The following WASF3 variants were observed in gnomAD, a reference collection of about 807,000 sequenced individuals.
The protein encoded by WASF3 is WASP family member 3.
WASF3 carries 11 observed loss-of-function variants against 46.6 expected under a neutral mutation model. The ratio of observed to expected loss-of-function variants is 0.24; its 90% CI spans 0.15 to 0.39. The LOEUF (loss-of-function observed/expected upper bound fraction) is 0.39. Ranked by LOEUF, WASF3 falls within the 10% of genes least tolerant of loss-of-function variation. The pLI is 1.00. For synonymous variants in WASF3, 242 were observed against 259.7 expected (o/e 0.93, Z 0.65); for missense variants, 576 against 669.8 (o/e 0.86, Z 1.55).
At chr13:26,555,695 C>T (rs2137128262), upstream of WASF3, among the ~76,000 whole-genome samples, 1 of 152,324 alleles carries the variant, frequency 6.6e-6, no homozygotes, top group East Asian at 1.9e-4. Flanking sequence ...ATAGCAGAGA[C>T]AATGGCTAGA....
chr13:26,606,217 G>A (rs1880791113), intron 1 of WASF3, among the ~76,000 whole-genome samples: 1 of 152,164 alleles, frequency 6.6e-6, no homozygotes, highest in African/African-American at 2.4e-5. Flanking sequence ...GTTTTCTGTA[G>A]CCTCACAGGA....
chr13:26,633,452 C>G (rs1318507872), intron 2 of WASF3, among the ~76,000 whole-genome samples: 1 of 152,078 alleles, frequency 6.6e-6, no homozygotes, highest in Non-Finnish European at 1.5e-5. Context: ...GATCTGCCCA[C>G]CTCGGCCTCC....
At chr13:26,577,585 AG>A in intron 1 of WASF3, 4 of 1,126,824 alleles carry the variant, frequency 3.5e-6, no homozygotes, top group Non-Finnish European at 5.3e-6. Flanking sequence ...TTCATGGTGA[AG>A]GCAGTAGTTC....
chr13:26,542,932 A>T, the WASF3 span, among the ~76,000 whole-genome samples: 1 of 152,230 alleles, frequency 6.6e-6, no homozygotes, highest in Admixed American at 6.5e-5. Flanking sequence ...TAGTATCTGC[A>T]CATAAGGAGC....
intron 3 of WASF3, among the ~76,000 whole-genome samples, chr13:26,642,987 G>T (rs1882045001): frequency 6.6e-6 from 1 of 152,124 alleles, no homozygotes; most frequent in Admixed American, 6.5e-5. Context: ...ATGGTACCAC[G>T]TATATATTGG....
chr13:26,601,973 G>A (rs1205164449), intron 1 of WASF3, among the ~76,000 whole-genome samples: 4 of 152,208 alleles, frequency 2.6e-5, no homozygotes, highest in Admixed American at 1.3e-4. Flanking sequence ...TTTGCTTTTA[G>A]TTGTCCAGGG....
the WASF3 span, among the ~76,000 whole-genome samples, chr13:26,546,913 C>T: frequency 6.6e-6 from 1 of 152,136 alleles, no homozygotes; most frequent in East Asian, 1.9e-4. Context: ...GCCACCCTTA[C>T]CCTCTTCATC....
At chr13:26,591,392 G>A (rs1213140370) in intron 1 of WASF3, among the ~76,000 whole-genome samples, 1 of 152,056 alleles carries the variant, frequency 6.6e-6, no homozygotes, top group African/African-American at 2.4e-5. Context: ...GGGAGGCTTG[G>A]GTGAGGATGC....
intron 2 of WASF3, among the ~76,000 whole-genome samples, chr13:26,620,856 A>G (rs1864239042): frequency 6.6e-6 from 1 of 152,220 alleles, no homozygotes; most frequent in South Asian, 2.1e-4. Context: ...TGTGTCCCAG[A>G]ATGTCCTCTA....
intron 1 of WASF3, among the ~76,000 whole-genome samples, chr13:26,582,397 C>T (rs555898023): frequency 1.2e-4 from 19 of 152,066 alleles, no homozygotes; most frequent in Admixed American, 4.6e-4. Context: ...AAAGCCGGGC[C>T]GGGCACGGTG....
chr13:26,607,635 TTTTG>T (rs1880838614), intron 1 of WASF3, among the ~76,000 whole-genome samples: 1 of 150,274 alleles, frequency 6.7e-6, no homozygotes, highest in Non-Finnish European at 1.5e-5. Flanking sequence ...CAGTTTTTTG[TTTTG>T]TTTTTTTTTT....
chr13:26,621,241 G>A (rs1881296450), intron 2 of WASF3, among the ~76,000 whole-genome samples: 2 of 152,112 alleles, frequency 1.3e-5, no homozygotes, highest in African/African-American at 2.4e-5. Context: ...TAAACCATTA[G>A]CATCTTGAGG....
At chr13:26,599,358 A>G (rs1880578967) in intron 1 of WASF3, among the ~76,000 whole-genome samples, 2 of 151,550 alleles carry the variant, frequency 1.3e-5, no homozygotes, top group African/African-American at 4.8e-5. Context: ...AATTTTCTGT[A>G]TTTTTTGTAG....
At chr13:26,680,238 G>T in intron 7 of WASF3, 1 of 1,529,380 alleles carries the variant, frequency 6.5e-7, no homozygotes, top group South Asian at 1.3e-5. Context: ...CCCAGACTCA[G>T]ACTGCCCCTG....
At chr13:26,629,559 TC>T (rs1357482728) in intron 2 of WASF3, among the ~76,000 whole-genome samples, 1 of 152,182 alleles carries the variant, frequency 6.6e-6, no homozygotes, top group Non-Finnish European at 1.5e-5. Flanking sequence ...GCTGAGCTGA[TC>T]CGTCTGAAAA....
chr13:26,627,359 G>T (rs1881499358), intron 2 of WASF3, among the ~76,000 whole-genome samples: 1 of 152,030 alleles, frequency 6.6e-6, no homozygotes, highest in South Asian at 2.1e-4. Context: ...GACTCATGGA[G>T]TTATTTTGAT....
At chr13:26,680,186 A>C (rs1303652463) in intron 7 of WASF3, 2 of 1,582,162 alleles carry the variant, frequency 1.3e-6, no homozygotes, top group Non-Finnish European at 1.7e-6. Context: ...GCCAAAGAGG[A>C]CAGAGTGCCC....
At chr13:26,573,872 TGAG>T (rs1411368017) in intron 1 of WASF3, among the ~76,000 whole-genome samples, 3 of 152,192 alleles carry the variant, frequency 2.0e-5, no homozygotes, top group Admixed American at 6.5e-5. Flanking sequence ...CTTCTAATAT[TGAG>T]TTTTGTCTGC....
chr13:26,673,941 A>G (rs1882990757), intron 6 of WASF3, among the ~76,000 whole-genome samples: 1 of 152,094 alleles, frequency 6.6e-6, no homozygotes, highest in Non-Finnish European at 1.5e-5. Context: ...AGTTAGCTCA[A>G]CAGTGGGAAG....
Sources: allele counts gnomAD v4.1 joint callset (sites outside exome capture counted in the v4.1 genomes callset), GRCh38; gene constraint gnomAD v4.1.1; transcripts MANE v1.5; gene names NCBI Gene and HGNC (gene_info 2026-07-23, HGNC 2026-07-21).